The following RBM28 variants were observed in gnomAD, a reference collection of about 807,000 sequenced individuals.
RBM28 encodes RNA binding motif protein 28.
In RBM28, 78 loss-of-function variants were observed where a neutral mutation model predicts 98.3. The observed-to-expected ratio is 0.79, with a 90% CI of 0.66 to 0.96. RBM28 has a LOEUF of 0.96. RBM28 is among the 40% of genes least tolerant of loss of function. RBM28 has a pLI of 0.00. For synonymous variants in RBM28, 306 were observed against 330.9 expected (o/e 0.92, Z 0.82); for missense variants, 838 against 913.0 (o/e 0.92, Z 1.06).
In RBM28 at chr7:128,299,335, CCCTGGA is replaced by C. The variant is rs1319247675; in HGVS notation, c.*11456_*11461del. On this transcript the variant is annotated 3_prime_UTR_variant, in exon 19 of 19. Coordinates refer to ENST00000223073, the MANE Select transcript of RBM28 (RefSeq NM_018077.3). ...TTGTCCCTAGTTGTCCCATGCCTGG[CCCTGGA>C]GTGATTTAGGGCAGGGGGAATATTG... 1 of 152,148 alleles carries C rather than the reference CCCTGGA, an allele frequency of 6.6e-6. No homozygotes were observed. Among genetic ancestry groups the C allele is most frequent in the Non-Finnish European group, 1.5e-5 (1 of 68,046 alleles). 9.4% of individuals were successfully genotyped at this position (152,148 alleles called of 1,614,324 possible).
In RBM28 at chr7:128,316,434, G is replaced by A. The variant is rs569547336; in HGVS notation, c.1788+1225C>T. Among the ~76,000 whole-genome samples the A allele has an allele frequency of 8.3e-4, 127 of 152,324 alleles. 1 individual carries two copies. In the South Asian group the frequency reaches 0.013, roughly 15 times the overall value. ...GGATGTTAAAAAACAAACTAGGCTGGGCTCAGTGACTCACGCCTGTAATCC... is the reference window on the plus strand; with the variant it reads ...GGATGTTAAAAAACAAACTAGGCTGAGCTCAGTGACTCACGCCTGTAATCC... On this transcript the variant is annotated intron_variant, in intron 16 of 18. Coordinates refer to ENST00000223073, the MANE Select transcript of RBM28 (RefSeq NM_018077.3).
chr7:128,338,654 A>G, intron 4 of RBM28, 72 bp downstream of exon 4: 1 of 1,105,990 alleles, frequency 9.0e-7, no homozygotes, highest in Non-Finnish European at 1.4e-6. Context: ...TACTTCATAT[A>G]TATCATATAT....
chr7:128,335,564 T>G lies in RBM28; in HGVS notation c.925A>C (p.Thr309Pro), dbSNP rs778070052. ...AAACCTTTATCCTCTTGCTCCTCAGTGCTGGTATCACTCTGAGCCAGTTCC... is the reference window on the plus strand; with the variant it reads ...AAACCTTTATCCTCTTGCTCCTCAGGGCTGGTATCACTCTGAGCCAGTTCC... ...GEELAQSDTSTEEQEDKAVQV... is the reference protein window; with the variant it reads ...GEELAQSDTSPEEQEDKAVQV... The change falls in exon 8 of 19, where the codon ACT becomes CCT. Residue 309 changes from threonine to proline, a missense_variant. Transcript: ENST00000223073. 2.5e-6 allele frequency: 4 copies of G among 1,614,200 alleles called. No individual in the cohort carries two copies. The Admixed American group carries it at 6.7e-5, about 27-fold the overall frequency.
intron 14 of RBM28, among the ~76,000 whole-genome samples, chr7:128,320,903 C>T (rs1417655578): frequency 6.6e-6 from 1 of 152,196 alleles, no homozygotes; most frequent in African/African-American, 2.4e-5. Flanking sequence ...CAGTGGCTCA[C>T]GCCTGTAATC....
At position 128,306,340 on chromosome 7, in the gene RBM28, C is replaced by T. The variant is rs1336491762; in HGVS notation, c.*4457G>A. On this transcript the variant is annotated 3_prime_UTR_variant, in exon 19 of 19. Coordinates refer to ENST00000223073, the MANE Select transcript of RBM28 (RefSeq NM_018077.3). Reference sequence around the variant, plus strand: ...GGTGGTACACTCAAGGCACTGTGAACAGCAGTTTATTATTATTTTTTCCTT... The same window carrying T: ...GGTGGTACACTCAAGGCACTGTGAATAGCAGTTTATTATTATTTTTTCCTT... 1 of 152,224 alleles carries T rather than the reference C, an allele frequency of 6.6e-6. No individual in the cohort carries two copies. The highest frequency in any genetic ancestry group is 2.4e-5 in the African/African-American group (1 of 41,452). The allele number at this position is 152,224 out of a possible 1,614,324, so 9.4% of individuals were successfully genotyped here.
Position 128,298,254 on chromosome 7 carries a change from T to C in RBM28, c.*12543A>G, listed in dbSNP as rs1009101461. 2.0e-5 allele frequency: 3 copies of C among 152,230 alleles called. No homozygotes were observed. The highest frequency in any genetic ancestry group is 4.4e-5 in the Non-Finnish European group (3 of 68,036). The allele number at this position is 152,230 out of a possible 1,614,324, so 9.4% of individuals were successfully genotyped here. On this transcript the variant is annotated 3_prime_UTR_variant, in exon 19 of 19. Transcript: ENST00000223073. Reference sequence around the variant, plus strand: ...TGTTCTGCTTTTGCCCTTTGAAGCATGTGATCTTTGTACCTACTCCCTGTT... The same window carrying C: ...TGTTCTGCTTTTGCCCTTTGAAGCACGTGATCTTTGTACCTACTCCCTGTT...
intron 18 of RBM28, among the ~76,000 whole-genome samples, chr7:128,312,755 T>C (rs1427685585): frequency 1.3e-5 from 2 of 152,344 alleles, no homozygotes; most frequent in East Asian, 1.9e-4. Flanking sequence ...ATTTGTGTAG[T>C]AGATGATAAA....
chr7:128,313,334 T>C lies in RBM28; in HGVS notation c.2046-60A>G. On this transcript the variant is annotated intron_variant, in intron 17 of 18. Transcript: ENST00000223073. ...TTCTTCTAATTTGACACCCCTAGGTTCTCTTTGTACACTGGCCCTTCCCAA... is the reference window on the plus strand; with the variant it reads ...TTCTTCTAATTTGACACCCCTAGGTCCTCTTTGTACACTGGCCCTTCCCAA... 7.3e-6 allele frequency: 11 copies of C among 1,505,138 alleles called. No individual in the cohort carries two copies. The South Asian group carries it at 1.2e-4, about 17-fold the overall frequency. 93.2% of individuals were successfully genotyped at this position (1,505,138 alleles called of 1,614,324 possible).
rs1207527101 is a variant in RBM28 at position 128,341,228 on chromosome 7, A to G, written c.119-1437T>C. 4.8e-6 allele frequency: 6 copies of G among 1,257,226 alleles called. No homozygotes were observed. In the Admixed American group the frequency reaches 1.2e-4, roughly 25 times the overall value. The allele number at this position is 1,257,226 out of a possible 1,614,324, so 77.9% of individuals were successfully genotyped here. A position where few individuals can be genotyped will look rare whatever the true frequency, so the allele number is the denominator to read the frequency against. On this transcript the variant is annotated intron_variant, in intron 1 of 18. Transcript: ENST00000223073. ...ACACTGATCTACATAAACTGGTTAA[A>G]GCAACATAACATCAATTTTTCTCTT...
chr7:128,310,984 T>A, intron 18 of RBM28, 53 bp from the exon 19 acceptor site: 1 of 1,568,410 alleles, frequency 6.4e-7, no homozygotes, highest in South Asian at 1.1e-5. Context: ...AGACTATATA[T>A]CACCTTACCC....
Position 128,321,442 on chromosome 7 carries a change from GGTT to G in RBM28, c.1405-21_1405-19del. The G allele has an allele frequency of 6.2e-7, 1 of 1,613,834 alleles. No homozygotes were observed. The highest frequency in any genetic ancestry group is 8.5e-7 in the Non-Finnish European group (1 of 1,179,842). On this transcript the variant is annotated intron_variant, in intron 13 of 18. Transcript: ENST00000223073. Reference sequence around the variant, plus strand: ...AGCTCAAACTGAAAGAACAACCAATGGTTAACAGTACAACCCACTCTTTTTAAG... The same window carrying G: ...AGCTCAAACTGAAAGAACAACCAATGAACAGTACAACCCACTCTTTTTAAG...
rs950801358 is a variant in RBM28, at chr7:128,335,882, T to G, written c.774A>C (p.Glu258Asp). ...TTTGCACAGGCTTGGTCACCTTTGA[T>G]TCTATATTCTCTTCCTCTTCATCTT... ...DDEDEEEENI[E>D]SKVTKPVQIQ... The change falls in exon 7 of 19, where the codon GAA (glutamate) becomes GAC (aspartate). Residue 258 changes from glutamate (E) to aspartate (D), a missense_variant. Coordinates refer to ENST00000223073, the MANE Select transcript of RBM28 (RefSeq NM_018077.3). 6 of 1,614,082 alleles carry G rather than the reference T, an allele frequency of 3.7e-6. No homozygotes were observed. Among genetic ancestry groups the G allele is most frequent in the South Asian group, 1.1e-5 (1 of 91,080 alleles).
At chr7:128,321,215 C>G (rs1301650127) in intron 14 of RBM28, 51 bp downstream of exon 14, 3 of 1,610,100 alleles carry the variant, frequency 1.9e-6, no homozygotes, top group Non-Finnish European at 2.5e-6. Context: ...AATGCTTGAT[C>G]TGACCCAAGA....
intron 7 of RBM28, 54 bp from the exon 8 acceptor site, chr7:128,335,733 A>G (rs764540852): frequency 1.8e-4 from 286 of 1,613,710 alleles, no homozygotes; most frequent in Non-Finnish European, 2.3e-4. Context: ...GGCCTATTCA[A>G]TTTCATTACA....
At position 128,308,916 on chromosome 7, in the gene RBM28, G is replaced by T. The variant is rs920178064; in HGVS notation, c.*1881C>A. Reference sequence around the variant, plus strand: ...CGCTTGAACCCAGGAGGCGGAGGTTGCAGTGAGCCAAGATCATGCCATTGC... The same window carrying T: ...CGCTTGAACCCAGGAGGCGGAGGTTTCAGTGAGCCAAGATCATGCCATTGC... On this transcript the variant is annotated 3_prime_UTR_variant, in exon 19 of 19. Coordinates refer to ENST00000223073, the MANE Select transcript of RBM28 (RefSeq NM_018077.3). 2 of 132,952 alleles carry T rather than the reference G, an allele frequency of 1.5e-5. No homozygotes were observed. The highest frequency in any genetic ancestry group is 5.7e-5 in the African/African-American group (2 of 35,178). 8.2% of individuals were successfully genotyped at this position (132,952 alleles called of 1,614,324 possible). A position where few individuals can be genotyped will look rare whatever the true frequency, so the allele number is the denominator to read the frequency against.
At chr7:128,320,445 A>T (rs1352028650) in intron 14 of RBM28, among the ~76,000 whole-genome samples, 1 of 151,890 alleles carries the variant, frequency 6.6e-6, no homozygotes, top group Non-Finnish European at 1.5e-5. Context: ...AAAAAAAGAA[A>T]AGAGAAATAC....
intron 5 of RBM28, 27 bp from the exon 6 acceptor site, chr7:128,337,229 A>G: frequency 6.2e-7 from 1 of 1,613,332 alleles, no homozygotes; most frequent in Non-Finnish European, 8.5e-7. Flanking sequence ...TGGCATCAGA[A>G]AGGCTCTCCT....
intron 12 of RBM28, among the ~76,000 whole-genome samples, chr7:128,323,973 T>G (rs570997440): frequency 2.0e-5 from 3 of 152,296 alleles, no homozygotes; most frequent in Admixed American, 2.0e-4. Context: ...TTGCTGTTCC[T>G]TATATACTTG....
intron 9 of RBM28, among the ~76,000 whole-genome samples, chr7:128,332,435 C>T (rs1796500660): frequency 6.6e-6 from 1 of 152,036 alleles, no homozygotes; most frequent in South Asian, 2.1e-4. Flanking sequence ...CTCACTGCAA[C>T]CTCCACCTCT....
Sources: allele counts gnomAD v4.1 joint callset (sites outside exome capture counted in the v4.1 genomes callset), GRCh38; gene constraint gnomAD v4.1.1; transcripts MANE v1.5; gene names NCBI Gene and HGNC (gene_info 2026-07-23, HGNC 2026-07-21).